Variants in GYG1 observed in about 807,000 individuals in gnomAD.
GYG1 encodes glycogenin-1.
Under a neutral mutation model 41.9 loss-of-function variants are expected in GYG1, and 44 were observed. The ratio of observed to expected loss-of-function variants is 1.05; its 90% CI spans 0.83 to 1.35. The LOEUF (loss-of-function observed/expected upper bound fraction) is 1.35. Ranked by LOEUF, GYG1 falls within the 40% of genes most tolerant of loss-of-function variation. The pLI is 0.00. For missense variants in GYG1, 429 were observed against 418.9 expected, an observed-to-expected ratio of 1.02 and a Z score of -0.21; for synonymous variants, 141 against 158.1, an observed-to-expected ratio of 0.89 and a Z score of 0.81.
At chr3:149,026,382 T>C in intron 6 of GYG1, 70 bp from the exon 7 acceptor site, 1 of 941,966 alleles carries the variant, frequency 1.1e-6, no homozygotes, top group East Asian at 2.4e-5. Context: ...CCCACACAGA[T>C]TGAGAATTTA....
intron 5 of GYG1, among the ~76,000 whole-genome samples, chr3:149,012,500 A>G (rs1300876343): frequency 6.6e-6 from 1 of 152,196 alleles, no homozygotes; most frequent in Non-Finnish European, 1.5e-5. Flanking sequence ...AGAGTTTTGG[A>G]TATCTAGAAC....
rs928638276 is a variant in GYG1, at chr3:149,029,299, T to G, written c.*2366T>G. Among the ~76,000 whole-genome samples, 14 of 152,164 alleles carry G rather than the reference T, an allele frequency of 9.2e-5. No homozygotes were observed. The highest frequency in any genetic ancestry group is 2.6e-4 in the Admixed American group (4 of 15,276). On this transcript the variant is annotated 3_prime_UTR_variant, in exon 8 of 8. Transcript: ENST00000345003. ...ATAAAAAGGCAACAGTAATTCAAAT[T>G]ACAAGATTTATATTTGCAGAGGTGA...
intron 7 of GYG1, 34 bp downstream of exon 7, chr3:149,026,536 T>C: frequency 5.1e-6 from 7 of 1,378,184 alleles, no homozygotes; most frequent in Non-Finnish European, 7.3e-6. Flanking sequence ...CCTAATTACT[T>C]TGTTCTCCCA....
rs1714752397 is a variant in GYG1 at position 149,028,158 on chromosome 3, TTA to T, written c.*1226_*1227del. 3.9e-5 allele frequency among the ~76,000 whole-genome samples: 6 copies of T among 152,212 alleles called. No individual in the cohort carries two copies. In the South Asian group the frequency reaches 1.0e-3, roughly 26 times the overall value. On this transcript the variant is annotated 3_prime_UTR_variant, in exon 8 of 8. Transcript: ENST00000345003. ...CAGTTAACCATGACAGGAAGAAACT[TTA>T]GAGGTTTGATTGGGCAAAAGCTGCA...
At chr3:148,992,149 G>C (rs758698586) in intron 1 of GYG1, among the ~76,000 whole-genome samples, 13 of 152,280 alleles carry the variant, frequency 8.5e-5, no homozygotes, top group Admixed American at 7.8e-4. Context: ...GCCACGCTGA[G>C]CCTATTTTTA....
chr3:149,003,322 G>A (rs938033342), intron 4 of GYG1, among the ~76,000 whole-genome samples: 15 of 151,884 alleles, frequency 9.9e-5, no homozygotes, highest in Non-Finnish European at 2.2e-4. Context: ...CACCATGTTG[G>A]CCAGGCTGGT....
At chr3:149,003,400 G>A (rs1295081001) in intron 4 of GYG1, among the ~76,000 whole-genome samples, 1 of 152,142 alleles carries the variant, frequency 6.6e-6, no homozygotes, top group Non-Finnish European at 1.5e-5. Context: ...ACAGGTGTGA[G>A]TCACCGTGCC....
rs1476628220 is a variant in GYG1, at chr3:148,994,125, T to C, written c.8-17T>C. On this transcript the variant is annotated splice_polypyrimidine_tract_variant and intron_variant, in intron 1 of 7. Coordinates refer to ENST00000345003, the MANE Select transcript of GYG1 (RefSeq NM_004130.4). ...ATAAGATACTGTAATGAGTGTTTTTTTTTTCTTTGTATTAAGATCAGGCCT... is the reference window on the plus strand; with the variant it reads ...ATAAGATACTGTAATGAGTGTTTTTCTTTTCTTTGTATTAAGATCAGGCCT... 2 of 1,612,100 alleles carry C rather than the reference T, an allele frequency of 1.2e-6. No individual in the cohort carries two copies. The highest frequency in any genetic ancestry group is 2.2e-5 in the South Asian group (2 of 91,040).
At position 149,027,052 on chromosome 3, in the gene GYG1, T is replaced by C. The variant is rs184040045; in HGVS notation, c.*119T>C. The C allele has an allele frequency of 5.2e-5, 57 of 1,089,576 alleles. No individual in the cohort carries two copies. The highest frequency in any genetic ancestry group is 3.4e-4 in the African/African-American group (22 of 64,138). 67.5% of individuals were successfully genotyped at this position (1,089,576 alleles called of 1,614,324 possible). ...TGCTAGAGGTTTTCATTAAAACTTA[T>C]CAGATGAGAGGCTTTTTTAGGATAA... On this transcript the variant is annotated 3_prime_UTR_variant, in exon 8 of 8. Transcript: ENST00000345003.
In GYG1 at chr3:149,028,557, AAC is replaced by A. The variant is rs761156188; in HGVS notation, c.*1628_*1629del. On this transcript the variant is annotated 3_prime_UTR_variant, in exon 8 of 8. Coordinates refer to ENST00000345003, the MANE Select transcript of GYG1 (RefSeq NM_004130.4). ...CGAGTCCCTGGTTAAGATGAACAGA[AAC>A]ACAGTCTTCAGATATAAAATGTCTT... is the stretch of plus-strand genomic sequence containing the variant. Among the ~76,000 whole-genome samples the A allele has an allele frequency of 5.9e-5, 9 of 152,152 alleles. No homozygotes were observed. The highest frequency in any genetic ancestry group is 1.0e-4 in the Non-Finnish European group (7 of 68,032).
intron 4 of GYG1, among the ~76,000 whole-genome samples, chr3:149,004,827 G>A (rs1282633020): frequency 1.3e-5 from 2 of 152,098 alleles, no homozygotes; most frequent in African/African-American, 2.4e-5. Context: ...TGTACACCCC[G>A]TGCTTCCCAG....
At chr3:149,020,875 C>T (rs746402499) in intron 5 of GYG1, among the ~76,000 whole-genome samples, 2 of 152,054 alleles carry the variant, frequency 1.3e-5, no homozygotes, top group African/African-American at 2.4e-5. Context: ...GAGGGGTGGG[C>T]GTCCGAGGAG....
chr3:149,021,085 C>G (rs1714348194), intron 5 of GYG1, among the ~76,000 whole-genome samples: 1 of 152,170 alleles, frequency 6.6e-6, no homozygotes, highest in African/African-American at 2.4e-5. Flanking sequence ...GCCCCCACTT[C>G]CTGCACAAAA....
chr3:149,012,675 C>A lies in GYG1; in HGVS notation c.608+3273C>A, dbSNP rs568753519. Among the ~76,000 whole-genome samples, 4 of 151,668 alleles carry A rather than the reference C, an allele frequency of 2.6e-5. No individual in the cohort carries two copies. The South Asian group carries it at 8.3e-4, about 31-fold the overall frequency. On this transcript the variant is annotated intron_variant, in intron 5 of 7. Transcript: ENST00000345003. Reference sequence around the variant, plus strand: ...AAACAAACTAATAGTTTTATCACTTCGAATGACTACTCAAATATAAAAAAA... The same window carrying A: ...AAACAAACTAATAGTTTTATCACTTAGAATGACTACTCAAATATAAAAAAA...
intron 6 of GYG1, among the ~76,000 whole-genome samples, chr3:149,024,724 T>C (rs543728578): frequency 7.9e-5 from 12 of 152,334 alleles, no homozygotes; most frequent in Admixed American, 4.6e-4. Context: ...TTCTATAGGA[T>C]TGTTTTTATT....
rs2107926481 is a variant in GYG1, at chr3:149,028,134, A to G, written c.*1201A>G. On this transcript the variant is annotated 3_prime_UTR_variant, in exon 8 of 8. Transcript: ENST00000345003. Reference sequence around the variant, plus strand: ...ATGATTCTATGGAAGAAAACAGGACAGTTAACCATGACAGGAAGAAACTTT... The same window carrying G: ...ATGATTCTATGGAAGAAAACAGGACGGTTAACCATGACAGGAAGAAACTTT... Among the ~76,000 whole-genome samples, 1 of 152,374 alleles carries G rather than the reference A, an allele frequency of 6.6e-6. No individual in the cohort carries two copies. The highest frequency in any genetic ancestry group is 2.4e-5 in the African/African-American group (1 of 41,600).
At chr3:149,002,244 A>C (rs766733103) in intron 4 of GYG1, among the ~76,000 whole-genome samples, 13 of 152,206 alleles carry the variant, frequency 8.5e-5, no homozygotes, top group Non-Finnish European at 1.6e-4. Flanking sequence ...TCCTGCCTCT[A>C]TAAAGTTTAT....
chr3:149,008,908 T>A, intron 4 of GYG1: 3 of 227,634 alleles, frequency 1.3e-5, no homozygotes, highest in Non-Finnish European at 2.6e-5. Flanking sequence ...TGGTAGTCCT[T>A]GCACTTTGGG....
rs1206067820 is a variant in GYG1, at chr3:149,027,833, A to C, written c.*900A>C. Among the ~76,000 whole-genome samples the C allele has an allele frequency of 6.6e-6, 1 of 152,246 alleles. No individual in the cohort carries two copies. Among genetic ancestry groups the C allele is most frequent in the Non-Finnish European group, 1.5e-5 (1 of 68,042 alleles). ...ATGGTGATGGATCTGACAGATCAGA[A>C]CAAACCGAGATCAAACTTACATAGT... On this transcript the variant is annotated 3_prime_UTR_variant, in exon 8 of 8. Coordinates refer to ENST00000345003, the MANE Select transcript of GYG1 (RefSeq NM_004130.4).
Sources: allele counts gnomAD v4.1 joint callset (sites outside exome capture counted in the v4.1 genomes callset), GRCh38; gene constraint gnomAD v4.1.1; transcripts MANE v1.5; gene names NCBI Gene and HGNC (gene_info 2026-07-23, HGNC 2026-07-21).